CSGALNACT1: variants seen among roughly 807,000 people sequenced by gnomAD.
CSGALNACT1 encodes the protein chondroitin sulfate N-acetylgalactosaminyltransferase 1.
A neutral mutation model predicts 51.0 loss-of-function variants in CSGALNACT1; 52 were observed. The observed-to-expected ratio is 1.02, with a 90% confidence interval of 0.82 to 1.29. The LOEUF is 1.29. Ranked by LOEUF, CSGALNACT1 falls within the 50% of genes most tolerant of loss-of-function variation. CSGALNACT1 has a pLI of 0.00. For synonymous variants in CSGALNACT1, 341 were observed against 254.4 expected (o/e 1.34, Z -3.24); for missense variants, 935 against 679.2 (o/e 1.38, Z -4.19).
At position 19,757,596 on chromosome 8, in the gene CSGALNACT1, T is replaced by G. The variant is rs923170821; in HGVS notation, c.-297+254A>C. On this transcript the variant is annotated intron_variant, in intron 1 of 1. Coordinates refer to the CSGALNACT1 transcript ENST00000517494. This position sits in a 1 kb window ranked among gnomAD's most constrained non-coding sequence, Gnocchi z 4.0. ...CTGGACACCAAGAGCCGGAGAAGTTTAGAGACTAGGACACTGTGGCGTGGC... is the reference window on the plus strand; with the variant it reads ...CTGGACACCAAGAGCCGGAGAAGTTGAGAGACTAGGACACTGTGGCGTGGC... Among the ~76,000 whole-genome samples the G allele has an allele frequency of 8.5e-5, 13 of 152,126 alleles. No homozygotes were observed. Among genetic ancestry groups the G allele is most frequent in the Admixed American group, 6.5e-4 (10 of 15,276 alleles).
intron 1 of CSGALNACT1, among the ~76,000 whole-genome samples, chr8:19,710,361 G>A (rs1412089639): frequency 6.6e-6 from 1 of 152,106 alleles, no homozygotes; most frequent in African/African-American, 2.4e-5. Context: ...TAGCACCTAT[G>A]ATAAAGCAGT....
At position 19,408,514 on chromosome 8, in the gene CSGALNACT1, C is replaced by T. The variant is rs565996416; in HGVS notation, c.1309+99G>A. The T allele has an allele frequency of 5.2e-6, 3 of 574,136 alleles. No homozygotes were observed. The African/African-American group carries it at 6.7e-5, about 13-fold the overall frequency. The allele number at this position is 574,136 out of a possible 1,614,324, so 35.6% of individuals were successfully genotyped here. ...TTTTTTTTTGAAGGCAATGGTACCA[C>T]CTTCCCAACCAGACTCCTTGGAAAC... On this transcript the variant is annotated intron_variant, in intron 9 of 9. Coordinates refer to ENST00000454498, the Ensembl canonical transcript of CSGALNACT1.
At chr8:19,405,304 G>T in exon 10 of CSGALNACT1, 1 of 454,152 alleles carries the variant, frequency 2.2e-6, no homozygotes, top group Non-Finnish European at 4.4e-6. Flanking sequence ...GTACTCACTA[G>T]TATCATAATA....
intron 3 of CSGALNACT1, among the ~76,000 whole-genome samples, chr8:19,538,937 C>T (rs2084421338): frequency 6.6e-6 from 1 of 152,174 alleles, no homozygotes; most frequent in South Asian, 2.1e-4. Flanking sequence ...TGTTGTCCCT[C>T]CTGGCTCCTT....
At chr8:19,621,544 G>A (rs1236038358) in intron 1 of CSGALNACT1, among the ~76,000 whole-genome samples, 1 of 152,112 alleles carries the variant, frequency 6.6e-6, no homozygotes, top group African/African-American at 2.4e-5. Context: ...ACTTTGGGAG[G>A]CCAAGGCAGG....
intron 3 of CSGALNACT1, among the ~76,000 whole-genome samples, chr8:19,561,067 T>C (rs1433505305): frequency 6.6e-6 from 1 of 152,150 alleles, no homozygotes; most frequent in Non-Finnish European, 1.5e-5. Flanking sequence ...TTCATTTATA[T>C]ATAATTCAGT....
At position 19,458,518 on chromosome 8, in the gene CSGALNACT1, AT is replaced by A; in HGVS notation, c.758del (p.Asn253MetfsTer17). 6.2e-7 allele frequency: 1 copy of A among 1,614,046 alleles called. No homozygotes were observed. Among genetic ancestry groups the A allele is most frequent in the Non-Finnish European group, 8.5e-7 (1 of 1,180,012 alleles). On this transcript the variant is annotated frameshift_variant, in exon 5 of 10. Transcript: ENST00000454498. LOFTEE classifies it high-confidence loss of function. ...GCGTGTTGGCCATGTTGAGCTTTTCATTTTTCACTTTCATGATGGGGCCGAA... is the reference window on the plus strand; with the variant it reads ...GCGTGTTGGCCATGTTGAGCTTTTCATTTTCACTTTCATGATGGGGCCGAA...
chr8:19,504,884 C>T (rs1343629669), intron 4 of CSGALNACT1, among the ~76,000 whole-genome samples: 2 of 152,098 alleles, frequency 1.3e-5, no homozygotes, highest in Non-Finnish European at 2.9e-5. Flanking sequence ...ACTAGAAGTG[C>T]CCTGTCATAT....
At chr8:19,447,179 C>T (rs181578874) in intron 5 of CSGALNACT1, among the ~76,000 whole-genome samples, 1 of 152,268 alleles carries the variant, frequency 6.6e-6, no homozygotes, top group Non-Finnish European at 1.5e-5. Context: ...GCACAAAAGC[C>T]AGGTTTCCTA....
chr8:19,699,416 A>G (rs1477437772), intron 1 of CSGALNACT1, among the ~76,000 whole-genome samples: 1 of 152,242 alleles, frequency 6.6e-6, no homozygotes, highest in Non-Finnish European at 1.5e-5. Flanking sequence ...GAAGAGATAC[A>G]TAAAATGCTC....
chr8:19,649,819 CAAAAAAAAAAAAAA>C (rs57549612), intron 1 of CSGALNACT1, among the ~76,000 whole-genome samples: 1 of 29,412 alleles, frequency 3.4e-5, no homozygotes, highest in Admixed American at 7.2e-4. Flanking sequence ...TTCCAAGTAG[CAAAAAAAAAAAAAA>C]AAAAAAAAAA....
intron 8 of CSGALNACT1, among the ~76,000 whole-genome samples, chr8:19,417,759 C>T (rs899835124): frequency 1.3e-5 from 2 of 152,188 alleles, no homozygotes; most frequent in Non-Finnish European, 2.9e-5. Flanking sequence ...CAGCTTCAGA[C>T]AAACCTGGCT....
chr8:19,440,709 T>G (rs2061185992), intron 5 of CSGALNACT1, among the ~76,000 whole-genome samples: 2 of 151,760 alleles, frequency 1.3e-5, no homozygotes, highest in Non-Finnish European at 2.9e-5. Context: ...TGTTGGAAGT[T>G]CTGGCCAGGG....
At chr8:19,693,684 T>C (rs1404296764) in intron 1 of CSGALNACT1, among the ~76,000 whole-genome samples, 4 of 152,040 alleles carry the variant, frequency 2.6e-5, no homozygotes, top group Non-Finnish European at 4.4e-5. Context: ...ATCAACCAGT[T>C]TTGATACCAG....
At chr8:19,448,089 C>T (rs1380961569) in intron 5 of CSGALNACT1, among the ~76,000 whole-genome samples, 1 of 152,168 alleles carries the variant, frequency 6.6e-6, no homozygotes, top group Non-Finnish European at 1.5e-5. Flanking sequence ...AACTTAACAT[C>T]TGCACATGTG....
At chr8:19,613,568 C>T (rs1217473124) in intron 1 of CSGALNACT1, among the ~76,000 whole-genome samples, 6 of 152,228 alleles carry the variant, frequency 3.9e-5, no homozygotes, top group East Asian at 1.9e-4. Context: ...TCTTTCAGCT[C>T]GTTGTTTCCA....
chr8:19,423,989 T>A (rs564113782), intron 6 of CSGALNACT1, among the ~76,000 whole-genome samples: 1 of 152,266 alleles, frequency 6.6e-6, no homozygotes, highest in South Asian at 2.1e-4. Flanking sequence ...ACACCTCGGC[T>A]TGCCTGTTCT....
chr8:19,713,557 G>T lies in CSGALNACT1; in HGVS notation c.-297+44293C>A, dbSNP rs577467792. On this transcript the variant is annotated intron_variant, in intron 1 of 1. Coordinates refer to the CSGALNACT1 transcript ENST00000517494. ...GCCATACCGGAGCAAGTGGGCCCCTGGATCCCATGTGAATGGTATCCTTAT... is the reference window on the plus strand; with the variant it reads ...GCCATACCGGAGCAAGTGGGCCCCTTGATCCCATGTGAATGGTATCCTTAT... Among the ~76,000 whole-genome samples, 5 of 152,278 alleles carry T rather than the reference G, an allele frequency of 3.3e-5. No homozygotes were observed. In the South Asian group the frequency reaches 1.0e-3, roughly 32 times the overall value.
intron 1 of CSGALNACT1, among the ~76,000 whole-genome samples, chr8:19,693,770 C>T (rs1467388385): frequency 5.9e-5 from 9 of 152,142 alleles, no homozygotes; most frequent in Non-Finnish European, 1.0e-4. Context: ...CCAGCTTTCT[C>T]GGGACAAGCC....
Sources: allele counts gnomAD v4.1 joint callset (sites outside exome capture counted in the v4.1 genomes callset), GRCh38; gene constraint gnomAD v4.1.1; non-coding constraint Gnocchi (gnomAD v3.1); transcripts MANE v1.5; gene names NCBI Gene and HGNC (gene_info 2026-07-23, HGNC 2026-07-21).